Variants in MAOB observed in about 807,000 individuals in gnomAD.
MAOB encodes monoamine oxidase B.
MAOB carries 15 observed loss-of-function variants against 41.9 expected under a neutral mutation model. The observed-to-expected ratio is 0.36, with a 90% CI of 0.24 to 0.55. The LOEUF is 0.55. Among genes scored for constraint, MAOB ranks in the 20% least tolerant of loss-of-function variants. The pLI, the probability that MAOB is intolerant of heterozygous loss-of-function variation, is 0.86. For missense variants in MAOB, 345 were observed against 398.7 expected, an observed-to-expected ratio of 0.87 and a Z score of 1.15; for synonymous variants, 167 against 144.2, an observed-to-expected ratio of 1.16 and a Z score of -1.13.
At chrX:43,812,514 C>T (rs767726300) in intron 3 of MAOB, among the ~76,000 whole-genome samples, 1 of 112,158 alleles carries the variant, frequency 8.9e-6, no homozygotes, top group Non-Finnish European at 1.9e-5. Flanking sequence ...TTTGCTACTA[C>T]CTGTCTTTTG....
intron 1 of MAOB, among the ~76,000 whole-genome samples, chrX:43,881,169 T>C: frequency 8.8e-6 from 1 of 113,155 alleles, no homozygotes; most frequent in Non-Finnish European, 1.9e-5. Flanking sequence ...GCAGGAGGAC[T>C]GGACCATGGT....
At chrX:43,811,156 C>A (rs751641738) in intron 3 of MAOB, among the ~76,000 whole-genome samples, 11 of 111,849 alleles carry the variant, frequency 9.8e-5, no homozygotes, top group African/African-American at 3.6e-4. Flanking sequence ...CAGAAACAGG[C>A]TGGCTGGGTC....
intron 2 of MAOB, among the ~76,000 whole-genome samples, chrX:43,841,866 A>C (rs1038523711): frequency 8.0e-5 from 9 of 112,030 alleles, no homozygotes; most frequent in African/African-American, 2.9e-4. Flanking sequence ...ATGCAGAAGA[A>C]TAAAAGTAGT....
At chrX:43,855,423 T>C (rs1051939428) in intron 1 of MAOB, among the ~76,000 whole-genome samples, 1 of 110,618 alleles carries the variant, frequency 9.0e-6, no homozygotes, top group African/African-American at 3.3e-5. Context: ...TGTGTGTGTG[T>C]ATGTGTGTAT....
intron 3 of MAOB, among the ~76,000 whole-genome samples, chrX:43,824,036 T>A (rs2034914861): frequency 8.9e-6 from 1 of 112,403 alleles, no homozygotes; most frequent in Non-Finnish European, 1.9e-5. Flanking sequence ...AACTGCGGGT[T>A]GGTCTAAGTG....
At chrX:43,778,560 T>C (rs2034288915) in intron 11 of MAOB, 122 bp downstream of exon 11, 1 of 560,060 alleles carries the variant, frequency 1.8e-6, no homozygotes. Flanking sequence ...TAGATGCCTC[T>C]GCAAATATAT....
At chrX:43,832,881 G>T (rs991117368) in intron 3 of MAOB, among the ~76,000 whole-genome samples, 1 of 111,670 alleles carries the variant, frequency 9.0e-6, no homozygotes. Flanking sequence ...AGGTGAGGAG[G>T]ATACAGGGCT....
intron 1 of MAOB, among the ~76,000 whole-genome samples, chrX:43,845,427 G>A (rs557802448): frequency 8.9e-6 from 1 of 112,148 alleles, no homozygotes; most frequent in African/African-American, 3.2e-5. Flanking sequence ...ATTATACTGG[G>A]TTCTAAGTGT....
chrX:43,845,241 T>C (rs1436937000), intron 1 of MAOB, among the ~76,000 whole-genome samples: 2 of 111,615 alleles, frequency 1.8e-5, no homozygotes, highest in Non-Finnish European at 3.8e-5. Flanking sequence ...TCAGTTCCAA[T>C]TACCTTCCTC....
At chrX:43,882,152 T>C in intron 1 of MAOB, 102 bp downstream of exon 1, 1 of 1,142,392 alleles carries the variant, frequency 8.8e-7, no homozygotes, top group Non-Finnish European at 1.2e-6. Flanking sequence ...GTCTGGGGAC[T>C]CCAGGGTCAG....
intron 3 of MAOB, among the ~76,000 whole-genome samples, chrX:43,811,104 C>T (rs1412628627): frequency 2.7e-5 from 3 of 111,966 alleles, no homozygotes; most frequent in African/African-American, 6.5e-5. Context: ...ATTTGAACTC[C>T]ACTTCCTAGA....
At chrX:43,831,017 GTGTGTGTGTGTGTGTA>G (rs1343903045) in intron 3 of MAOB, among the ~76,000 whole-genome samples, 2 of 110,353 alleles carry the variant, frequency 1.8e-5, no homozygotes, top group Non-Finnish European at 3.8e-5. Flanking sequence ...GTGTGTGTGT[GTGTGTGTGTGTGTGTA>G]TGTGTCAGAC....
intron 1 of MAOB, among the ~76,000 whole-genome samples, chrX:43,873,740 C>T (rs761983727): frequency 9.1e-6 from 1 of 110,028 alleles, no homozygotes; most frequent in African/African-American, 3.3e-5. Flanking sequence ...GCAGTAGTGC[C>T]ATCTCGGCTC....
intron 3 of MAOB, among the ~76,000 whole-genome samples, chrX:43,830,285 G>A (rs1320508181): frequency 9.0e-6 from 1 of 110,985 alleles, no homozygotes; most frequent in Non-Finnish European, 1.9e-5. Flanking sequence ...ATCCTGAGAT[G>A]CCTCCTGTCT....
chrX:43,781,584 T>A (rs767855138), intron 8 of MAOB, 40 bp from the exon 9 acceptor site: 141 of 728,083 alleles, frequency 1.9e-4, no homozygotes, highest in Non-Finnish European at 6.6e-5. Context: ...TTCATCACTC[T>A]ATCAAAATAT....
chrX:43,853,784 C>G (rs149652543), intron 1 of MAOB, among the ~76,000 whole-genome samples: 2 of 111,334 alleles, frequency 1.8e-5, no homozygotes, highest in African/African-American at 6.5e-5. Flanking sequence ...CAGCAAACCA[C>G]CAGACACTAA....
intron 3 of MAOB, among the ~76,000 whole-genome samples, chrX:43,818,173 A>G (rs778831917): frequency 8.9e-6 from 1 of 112,166 alleles, no homozygotes; most frequent in Non-Finnish European, 1.9e-5. Context: ...TTCAACGTTC[A>G]CCCATGTTGT....
At chrX:43,780,626 C>T (rs1172297941) in intron 9 of MAOB, among the ~76,000 whole-genome samples, 1 of 111,918 alleles carries the variant, frequency 8.9e-6, no homozygotes, top group East Asian at 2.8e-4. Context: ...GATGACTGGC[C>T]ATAATTTTTG....
Position 43,769,312 on chromosome X carries a change from G to A in MAOB, c.1342C>T (p.Arg448Ter). The A allele has an allele frequency of 1.7e-6, 2 of 1,204,478 alleles. No homozygotes were observed. The highest frequency in any genetic ancestry group is 2.2e-6 in the Non-Finnish European group (2 of 892,677). The change falls in exon 13 of 15, where the codon CGA becomes TGA. Residue 448 changes from arginine (R) to a stop codon, truncating the protein, a stop_gained. Transcript: ENST00000378069. LOFTEE classifies it high-confidence loss of function. ...TCTATGACCCCAGACCCTACCTCTC[G>A]GGCTGCTCTCTCCCCGGCCTCTACA... is the stretch of plus-strand genomic sequence containing the variant. ...GAVEAGERAA[R>*]EILHAMGKIP...
Sources: allele counts gnomAD v4.1 joint callset (sites outside exome capture counted in the v4.1 genomes callset), GRCh38; gene constraint gnomAD v4.1.1; transcripts MANE v1.5; gene names NCBI Gene and HGNC (gene_info 2026-07-23, HGNC 2026-07-21).